Variants in IGSF9B observed in about 807,000 individuals in gnomAD.
IGSF9B encodes the protein immunoglobulin superfamily member 9B, also known as protein turtle homolog B.
IGSF9B carries 48 observed loss-of-function variants against 143.7 expected under a neutral mutation model. That is an observed-to-expected ratio of 0.33 (90% CI 0.26 to 0.42). IGSF9B has a LOEUF of 0.42. Among genes scored for constraint, IGSF9B ranks in the 20% least tolerant of loss-of-function variants. The pLI is 1.00. For synonymous variants in IGSF9B, 903 were observed against 833.1 expected, an observed-to-expected ratio of 1.08 and a Z score of -1.44; for missense variants, 1,706 against 1,980.0, an observed-to-expected ratio of 0.86 and a Z score of 2.63.
In IGSF9B at chr11:133,902,569, CA is replaced by C. The variant is rs1171110240; in HGVS notation, c.*6499del. Among the ~76,000 whole-genome samples, 80 of 37,708 alleles carry C rather than the reference CA, an allele frequency of 2.1e-3. No homozygotes were observed. Among genetic ancestry groups the C allele is most frequent in the African/African-American group, 4.8e-3 (75 of 15,744 alleles). 24.7% of individuals were successfully genotyped at this position (37,708 alleles called of 152,430 possible). A position where few individuals can be genotyped will look rare whatever the true frequency, so the allele number is the denominator to read the frequency against. ...ACACACCACATACACACACACACCCCACACACACACACACACACCCCACTTA... is the reference window on the plus strand; with the variant it reads ...ACACACCACATACACACACACACCCCCACACACACACACACACCCCACTTA... On this transcript the variant is annotated 3_prime_UTR_variant, in exon 20 of 20. Coordinates refer to ENST00000533871, the MANE Select transcript of IGSF9B (RefSeq NM_001277285.4).
At chr11:133,911,047 A>G (rs1261422980) in intron 19 of IGSF9B, among the ~76,000 whole-genome samples, 2 of 152,168 alleles carry the variant, frequency 1.3e-5, no homozygotes, top group African/African-American at 2.4e-5. Context: ...TTGAATTTCT[A>G]TATAACACTC....
rs770712994 is a variant in IGSF9B, at chr11:133,921,045, C to T, written c.2680G>A (p.Glu894Lys). The change falls in exon 18 of 20, where the codon GAG (glutamate) becomes AAG (lysine). Residue 894 changes from glutamate to lysine, a missense_variant. By Grantham distance (56) the Glu-to-Lys change is moderately conservative. This residue lies in a region of IGSF9B where 880 missense variants were observed against 762.9 expected (regional missense o/e 1.15). Transcript: ENST00000533871. Reference protein sequence around the residue: ...DMYPEFRQSDEENEDPLVPTS... With the variant: ...DMYPEFRQSDKENEDPLVPTS... The stretch of plus-strand genomic sequence containing the variant: ...GGCACCAGTGGGTCCTCGTTCTCCT[C>T]GTCCGACTGGCGGAACTCGGGGTAC... 3.7e-6 allele frequency: 6 copies of T among 1,613,656 alleles called. No homozygotes were observed. The highest frequency in any genetic ancestry group is 3.3e-5 in the Admixed American group (2 of 59,998).
rs778752736 is a variant in IGSF9B, at chr11:133,920,428, T to C, written c.3297A>G (p.Ala1099=). 2 of 1,581,786 alleles carry C rather than the reference T, an allele frequency of 1.3e-6. No homozygotes were observed. Among genetic ancestry groups the C allele is most frequent in the East Asian group, 4.5e-5 (2 of 44,550 alleles). ...GCGACTTGCCTGCCCAACCCTTCGG[T>C]GCCTCCAGAGACAGGATGCCCGGGT... ...AAYPGILSLE[A]PKGWAGKSPG... Residue 1099 remains alanine, a synonymous_variant, in exon 18 of 20, where the codon GCA becomes GCG. Coordinates refer to ENST00000533871, the MANE Select transcript of IGSF9B (RefSeq NM_001277285.4).
chr11:133,943,369 T>G (rs1939988573), intron 3 of IGSF9B, among the ~76,000 whole-genome samples: 1 of 152,170 alleles, frequency 6.6e-6, no homozygotes, highest in African/African-American at 2.4e-5. Context: ...CTCCTTCATC[T>G]TTTCTCCATG....
In IGSF9B at chr11:133,909,392, G is replaced by T. The variant is rs1472311759; in HGVS notation, c.4106-115C>A. On this transcript the variant is annotated intron_variant, in intron 19 of 19. Coordinates refer to ENST00000533871, the MANE Select transcript of IGSF9B (RefSeq NM_001277285.4). The surrounding 1 kb of genome is among the most constrained non-coding windows in gnomAD (Gnocchi z 4.2). ...CCGGGTTTCTAATGTTGAAACAAAG[G>T]AATCACCTGAGTCTAGAGAGACCAG... 1.2e-6 allele frequency: 1 copy of T among 857,820 alleles called. No individual in the cohort carries two copies. Among genetic ancestry groups the T allele is most frequent in the East Asian group, 2.7e-5 (1 of 37,734 alleles). 53.1% of individuals were successfully genotyped at this position (857,820 alleles called of 1,614,324 possible). A position where few individuals can be genotyped will look rare whatever the true frequency, so the allele number is the denominator to read the frequency against.
chr11:133,956,595 A>C, intron 1 of IGSF9B, 96 bp downstream of exon 1: 1 of 806,752 alleles, frequency 1.2e-6, no homozygotes, highest in Non-Finnish European at 2.0e-6. Flanking sequence ...GGAGCTGGGG[A>C]ACCGGGGGGC....
intron 1 of IGSF9B, among the ~76,000 whole-genome samples, chr11:133,952,846 T>C (rs79139995): frequency 0.018 from 2,702 of 152,178 alleles, 87 homozygotes; most frequent in African/African-American, 0.062. Flanking sequence ...CTCTCAGCAG[T>C]TGCAGCTCTT....
At position 133,909,368 on chromosome 11, in the gene IGSF9B, C is replaced by T. The variant is rs554682961; in HGVS notation, c.4106-91G>A. 5.3e-4 allele frequency: 561 copies of T among 1,051,894 alleles called. 3 individuals are homozygous for T. The highest frequency in any genetic ancestry group is 3.6e-3 in the Middle Eastern group (13 of 3,614). The allele number at this position is 1,051,894 out of a possible 1,614,324, so 65.2% of individuals were successfully genotyped here. A position where few individuals can be genotyped will look rare whatever the true frequency, so the allele number is the denominator to read the frequency against. On this transcript the variant is annotated intron_variant, in intron 19 of 19. Transcript: ENST00000533871. This position sits in a 1 kb window ranked among gnomAD's most constrained non-coding sequence, Gnocchi z 4.2. ...TCACCTTTTCCACCTGCATTTGTTC[C>T]GGGTTTCTAATGTTGAAACAAAGGA...
rs1305676018 is a variant in IGSF9B at position 133,911,873 on chromosome 11, G to A, written c.4105+13C>T. 4 of 1,521,176 alleles carry A rather than the reference G, an allele frequency of 2.6e-6. No individual in the cohort carries two copies. Among genetic ancestry groups the A allele is most frequent in the Non-Finnish European group, 3.5e-6 (4 of 1,141,144 alleles). 94.2% of individuals were successfully genotyped at this position (1,521,176 alleles called of 1,614,324 possible). A position where few individuals can be genotyped will look rare whatever the true frequency, so the allele number is the denominator to read the frequency against. ...GGTGGGAGGAGCGGGGCGGGCCACT[G>A]CCCATCATTTACCGGATCGTTTCTT... On this transcript the variant is annotated intron_variant, in intron 19 of 19. Coordinates refer to ENST00000533871, the MANE Select transcript of IGSF9B (RefSeq NM_001277285.4).
chr11:133,937,344 A>G, intron 5 of IGSF9B, 32 bp downstream of exon 5: 1 of 1,515,086 alleles, frequency 6.6e-7, no homozygotes. Context: ...GCGGGAGCCC[A>G]GGGTTAAAGA....
intron 7 of IGSF9B, among the ~76,000 whole-genome samples, chr11:133,934,972 G>A (rs1035488552): frequency 1.3e-5 from 2 of 152,224 alleles, no homozygotes; most frequent in Non-Finnish European, 2.9e-5. Context: ...TCTGTCTCAG[G>A]GCTCAGCTTG....
chr11:133,944,947 C>T (rs1940019555), intron 2 of IGSF9B, among the ~76,000 whole-genome samples: 1 of 152,112 alleles, frequency 6.6e-6, no homozygotes, highest in African/African-American at 2.4e-5. Context: ...ATGTATCCTA[C>T]CAAAGCCCAG....
Position 133,929,779 on chromosome 11 carries a change from G to C in IGSF9B, c.1523C>G (p.Thr508Ser). The C allele has an allele frequency of 6.2e-7, 1 of 1,609,960 alleles. No individual in the cohort carries two copies. The highest frequency in any genetic ancestry group is 8.5e-7 in the Non-Finnish European group (1 of 1,176,398). Residue 508 changes from threonine to serine, a missense_variant, in exon 12 of 20, where the codon ACC becomes AGC. Physicochemically the swap from Thr to Ser is moderately conservative, Grantham distance 58. Transcript: ENST00000533871. ...GACACTGCCCGGGGCATGGGGGCTGGTGCCTGGAGATCAAGTGGAGACCTC... is the reference window on the plus strand; with the variant it reads ...GACACTGCCCGGGGCATGGGGGCTGCTGCCTGGAGATCAAGTGGAGACCTC... ...TASTHLTVIG[T>S]SPHAPGSVRV...
At position 133,945,963 on chromosome 11, in the gene IGSF9B, A is replaced by T. The variant is rs1350710259; in HGVS notation, c.262+98T>A. The T allele has an allele frequency of 2.5e-6, 2 of 786,000 alleles. No homozygotes were observed. The highest frequency in any genetic ancestry group is 4.1e-6 in the Non-Finnish European group (2 of 491,350). The allele number at this position is 786,000 out of a possible 1,614,324, so 48.7% of individuals were successfully genotyped here. A position where few individuals can be genotyped will look rare whatever the true frequency, so the allele number is the denominator to read the frequency against. On this transcript the variant is annotated intron_variant, in intron 2 of 19. Coordinates refer to ENST00000533871, the MANE Select transcript of IGSF9B (RefSeq NM_001277285.4). This position sits in a 1 kb window ranked among gnomAD's most constrained non-coding sequence, Gnocchi z 4.6. Reference sequence around the variant, plus strand: ...ACCAGGCAGAGACTGGGAAACAGAGATAAAGAGTGGTCAGGACAAGGCAGG... The same window carrying T: ...ACCAGGCAGAGACTGGGAAACAGAGTTAAAGAGTGGTCAGGACAAGGCAGG...
intron 7 of IGSF9B, among the ~76,000 whole-genome samples, chr11:133,933,165 CCT>C (rs1035791191): frequency 7.9e-5 from 12 of 152,234 alleles, no homozygotes; most frequent in East Asian, 3.9e-4. Context: ...CCTCAGTGCC[CCT>C]GTCATGCTTC....
rs1394247205 is a variant in IGSF9B at position 133,913,557 on chromosome 11, G to C, written c.3984-1550C>G. ...TTTCAAAAGGCTCCCTCAAAGTTCA[G>C]GTCACGGTCAACCTCTTGACTTTCC... On this transcript the variant is annotated intron_variant, in intron 18 of 19. Coordinates refer to ENST00000533871, the MANE Select transcript of IGSF9B (RefSeq NM_001277285.4). This position sits in a 1 kb window ranked among gnomAD's most constrained non-coding sequence, Gnocchi z 4.6. Among the ~76,000 whole-genome samples the C allele has an allele frequency of 6.6e-6, 1 of 152,176 alleles. No homozygotes were observed. The highest frequency in any genetic ancestry group is 1.5e-5 in the Non-Finnish European group (1 of 68,034).
chr11:133,918,585 C>T (rs930705065), intron 18 of IGSF9B, among the ~76,000 whole-genome samples: 2 of 151,976 alleles, frequency 1.3e-5, no homozygotes, highest in Non-Finnish European at 1.5e-5. Context: ...CCCCCTTCCT[C>T]GGCCGGCCCC....
rs564027888 is a variant in IGSF9B, at chr11:133,946,083, C to T, written c.240G>A (p.Pro80=). Residue 80 remains proline (P), a synonymous_variant, in exon 2 of 20, where the codon CCG becomes CCA. Transcript: ENST00000533871. ...PIFIKFGYYP[P]HVDPEYAGRA... ...TACCTGCATACTCAGGGTCCACGTGCGGCGGGTAGTAGCCAAACTTGATGA... is the reference window on the plus strand; with the variant it reads ...TACCTGCATACTCAGGGTCCACGTGTGGCGGGTAGTAGCCAAACTTGATGA... 5.4e-5 allele frequency: 86 copies of T among 1,591,662 alleles called. No individual in the cohort carries two copies. The South Asian group carries it at 6.7e-4, about 12-fold the overall frequency.
chr11:133,919,897 G>C lies in IGSF9B; in HGVS notation c.3828C>G (p.Thr1276=). 1 of 1,581,930 alleles carries C rather than the reference G, an allele frequency of 6.3e-7. No individual in the cohort carries two copies. The highest frequency in any genetic ancestry group is 1.7e-4 in the Middle Eastern group (1 of 5,894). Reference sequence around the variant, plus strand: ...GGGAAGGGTAGCCGGTGGCCAGAGTGGTGAAGCCCATGGCGGGCCGGTAGC... The same window carrying C: ...GGGAAGGGTAGCCGGTGGCCAGAGTCGTGAAGCCCATGGCGGGCCGGTAGC... ...SPSYRPAMGF[T]TLATGYPSPP... Residue 1276 remains threonine (T), a synonymous_variant, in exon 18 of 20, where the codon ACC becomes ACG. Coordinates refer to ENST00000533871, the MANE Select transcript of IGSF9B (RefSeq NM_001277285.4).
Sources: allele counts gnomAD v4.1 joint callset (sites outside exome capture counted in the v4.1 genomes callset), GRCh38; gene constraint gnomAD v4.1.1; regional missense constraint gnomAD v4.1.1; non-coding constraint Gnocchi (gnomAD v3.1); transcripts MANE v1.5; gene names NCBI Gene and HGNC (gene_info 2026-07-23, HGNC 2026-07-21).